FBXL7: variants seen among roughly 807,000 people sequenced by gnomAD.
FBXL7 encodes the protein F-box and leucine rich repeat protein 7.
In FBXL7, 12 loss-of-function variants were observed where a neutral mutation model predicts 38.3. That is an observed-to-expected ratio of 0.31 (90% confidence interval 0.20 to 0.51). FBXL7 has a LOEUF of 0.51. Ranked by LOEUF, FBXL7 falls within the 20% of genes least tolerant of loss-of-function variation. The pLI, the probability that FBXL7 is intolerant of heterozygous loss-of-function variation, is 0.98. For synonymous variants in FBXL7, 297 were observed against 300.9 expected (o/e 0.99, Z 0.13); for missense variants, 567 against 676.4 (o/e 0.84, Z 1.79).
intron 1 of FBXL7, among the ~76,000 whole-genome samples, chr5:15,581,082 G>T (rs1437814579): frequency 6.6e-6 from 1 of 152,056 alleles, no homozygotes; most frequent in Non-Finnish European, 1.5e-5. Flanking sequence ...ACTTAAATGG[G>T]CATCATATTT....
At chr5:15,519,444 C>CAA (rs75322019) in intron 1 of FBXL7, among the ~76,000 whole-genome samples, 4 of 131,010 alleles carry the variant, frequency 3.1e-5, no homozygotes, top group South Asian at 5.0e-4. Flanking sequence ...ACTTAGAAAA[C>CAA]AAAAAAAAAA....
intron 2 of FBXL7, among the ~76,000 whole-genome samples, chr5:15,668,952 AT>A (rs1014476148): frequency 3.0e-4 from 45 of 152,324 alleles, no homozygotes; most frequent in African/African-American, 9.9e-4. Flanking sequence ...GACTGTTACC[AT>A]GAGTAAATGA....
chr5:15,755,249 T>G (rs1424714905), intron 2 of FBXL7, among the ~76,000 whole-genome samples: 1 of 152,218 alleles, frequency 6.6e-6, no homozygotes, highest in Non-Finnish European at 1.5e-5. Context: ...AATATGGTAC[T>G]GTGGGCATTA....
At chr5:15,506,440 T>C (rs376286393) in intron 1 of FBXL7, among the ~76,000 whole-genome samples, 2 of 152,302 alleles carry the variant, frequency 1.3e-5, no homozygotes, top group Admixed American at 6.5e-5. Context: ...TTATTTACTA[T>C]TTTTGAAATA....
chr5:15,780,850 C>A (rs973559202), intron 2 of FBXL7, among the ~76,000 whole-genome samples: 1 of 152,152 alleles, frequency 6.6e-6, no homozygotes, highest in Admixed American at 6.6e-5. Flanking sequence ...TTGGCCACCA[C>A]CAAAAGCTGG....
At position 15,616,068 on chromosome 5, in the gene FBXL7, C is replaced by G; in HGVS notation, c.123C>G (p.Ser41Arg). 1.2e-6 allele frequency: 2 copies of G among 1,609,608 alleles called. No individual in the cohort carries two copies. The highest frequency in any genetic ancestry group is 1.7e-6 in the Non-Finnish European group (2 of 1,176,474). ...AAGCCCAGAAGAATGTGGCTACCAG[C>G]GAAGGTAGGCAGCTGGTCTTCATTA... ...PTKAQKNVAT[S>R]EDSDLSMRTL... Residue 41 changes from serine to arginine, a missense_variant, in exon 2 of 4, where the codon AGC becomes AGG. Ser to Arg is a moderately radical substitution (Grantham distance 110). Transcript: ENST00000504595.
At chr5:15,855,612 G>A (rs1038029640) in intron 2 of FBXL7, among the ~76,000 whole-genome samples, 14 of 152,174 alleles carry the variant, frequency 9.2e-5, no homozygotes, top group Admixed American at 2.6e-4. Context: ...CACACCTAGA[G>A]CTAAATAAAA....
chr5:15,696,944 C>T (rs970834972), intron 2 of FBXL7, among the ~76,000 whole-genome samples: 1 of 152,184 alleles, frequency 6.6e-6, no homozygotes, highest in Non-Finnish European at 1.5e-5. Context: ...TCTTTATCCT[C>T]ACAAGTTCGT....
At chr5:15,576,829 A>G (rs1210934574) in intron 1 of FBXL7, among the ~76,000 whole-genome samples, 1 of 151,768 alleles carries the variant, frequency 6.6e-6, no homozygotes, top group Non-Finnish European at 1.5e-5. Context: ...GTCATCCACC[A>G]TTTTTCTGCT....
chr5:15,730,166 A>AT (rs373104478), intron 2 of FBXL7, among the ~76,000 whole-genome samples: 12,945 of 150,772 alleles, frequency 0.086, 617 homozygotes, highest in South Asian at 0.14. Context: ...AATTTTACAG[A>AT]TTTTTTTTTT....
intron 1 of FBXL7, among the ~76,000 whole-genome samples, chr5:15,611,102 G>A (rs1353844826): frequency 6.6e-6 from 1 of 152,134 alleles, no homozygotes; most frequent in African/African-American, 2.4e-5. Context: ...TCATATTTGA[G>A]AATTTGCCTA....
chr5:15,894,268 AAAACAAACAAAAC>A (rs1741026164), intron 2 of FBXL7, among the ~76,000 whole-genome samples: 1 of 151,974 alleles, frequency 6.6e-6, no homozygotes, highest in African/African-American at 2.4e-5. Flanking sequence ...TCTCAAAAAC[AAAACAAACAAAAC>A]AAACAAACAA....
chr5:15,878,565 A>G (rs1740310586), intron 2 of FBXL7, among the ~76,000 whole-genome samples: 1 of 152,128 alleles, frequency 6.6e-6, no homozygotes, highest in Non-Finnish European at 1.5e-5. Context: ...TGGATCTCCA[A>G]CTCCTTGAGG....
chr5:15,595,111 G>C (rs1739590071), intron 1 of FBXL7, among the ~76,000 whole-genome samples: 1 of 152,152 alleles, frequency 6.6e-6, no homozygotes, highest in Non-Finnish European at 1.5e-5. Context: ...TATGATCCCA[G>C]GGCATGTAAG....
intron 1 of FBXL7, among the ~76,000 whole-genome samples, chr5:15,611,562 T>C: frequency 6.6e-6 from 1 of 152,146 alleles, no homozygotes; most frequent in East Asian, 1.9e-4. Flanking sequence ...CAAATTGATA[T>C]TGATCAATTG....
intron 2 of FBXL7, among the ~76,000 whole-genome samples, chr5:15,739,278 C>T (rs1579422914): frequency 1.3e-5 from 2 of 152,326 alleles, no homozygotes; most frequent in South Asian, 2.1e-4. Flanking sequence ...CCTTCAGATG[C>T]CTCTTGCCCT....
At chr5:15,598,397 T>C (rs1197446204) in intron 1 of FBXL7, among the ~76,000 whole-genome samples, 1 of 152,192 alleles carries the variant, frequency 6.6e-6, no homozygotes, top group Non-Finnish European at 1.5e-5. Context: ...AAAAGTGTCT[T>C]ACTTTAGGAT....
At position 15,928,594 on chromosome 5, in the gene FBXL7, G is replaced by A; in HGVS notation, c.739+93G>A. On this transcript the variant is annotated intron_variant, in intron 3 of 3. Coordinates refer to ENST00000504595, the MANE Select transcript of FBXL7 (RefSeq NM_012304.5). This position sits in a 1 kb window ranked among gnomAD's most constrained non-coding sequence, Gnocchi z 4.0. ...GCCACCACCGGAGGGTCCTCTTCTT[G>A]CAAGCCATCAGAGATGGGGGCGGGT... 1 of 1,487,144 alleles carries A rather than the reference G, an allele frequency of 6.7e-7. No homozygotes were observed. 92.1% of individuals were successfully genotyped at this position (1,487,144 alleles called of 1,614,324 possible).
Position 15,936,589 on chromosome 5 carries a change from C to T in FBXL7, c.879C>T (p.Ile293=). 6.2e-7 allele frequency: 1 copy of T among 1,611,868 alleles called. No homozygotes were observed. Among genetic ancestry groups the T allele is most frequent in the South Asian group, 1.1e-5 (1 of 91,088 alleles). Residue 293 remains isoleucine (I), a synonymous_variant, in exon 4 of 4, where the codon ATC becomes ATT. Coordinates refer to ENST00000504595, the MANE Select transcript of FBXL7 (RefSeq NM_012304.5). The surrounding 1 kb of genome is among the most constrained non-coding windows in gnomAD (Gnocchi z 6.0). ...TGGAGGACGAAGGCCTGCACACCAT[C>T]GCGGCGCACTGCACGCAGCTCACCC... ...FVLEDEGLHT[I]AAHCTQLTHL...
Sources: allele counts gnomAD v4.1 joint callset (sites outside exome capture counted in the v4.1 genomes callset), GRCh38; gene constraint gnomAD v4.1.1; non-coding constraint Gnocchi (gnomAD v3.1); transcripts MANE v1.5; gene names NCBI Gene and HGNC (gene_info 2026-07-23, HGNC 2026-07-21).